Variants in PCDHGA3 observed in about 807,000 individuals in gnomAD.
The protein encoded by PCDHGA3 is protocadherin gamma-A3.
In PCDHGA3, 40 loss-of-function variants were observed where a neutral mutation model predicts 58.5. The ratio of observed to expected loss-of-function variants is 0.68; its 90% confidence interval spans 0.53 to 0.89. PCDHGA3 has a LOEUF of 0.89. Among genes scored for constraint, PCDHGA3 ranks in the 40% least tolerant of loss-of-function variants. The pLI is 0.00. For missense variants in PCDHGA3, 1,223 were observed against 1,195.9 expected (o/e 1.02, Z -0.33); for synonymous variants, 530 against 525.7 (o/e 1.01, Z -0.11).
chr5:141,412,396 A>G (rs2095553141), intron 1 of PCDHGA3: 1 of 152,216 alleles, frequency 6.6e-6, no homozygotes, highest in Non-Finnish European at 1.5e-5. Flanking sequence ...TTTAACTTGT[A>G]TCCCTGTAAG....
intron 1 of PCDHGA3, chr5:141,478,588 T>G (rs2099465964): frequency 6.3e-7 from 1 of 1,575,000 alleles, no homozygotes; most frequent in African/African-American, 1.4e-5. Flanking sequence ...TAGTGCTTTT[T>G]TATTCCTACA....
At chr5:141,418,894 A>G (rs200182481) in intron 1 of PCDHGA3, 2 of 1,614,004 alleles carry the variant, frequency 1.2e-6, no homozygotes, top group East Asian at 4.5e-5. Context: ...ACAACAGCCC[A>G]GAAATAATCA....
Position 141,491,886 on chromosome 5 carries a change from G to A in PCDHGA3, c.2425-2921G>A. On this transcript the variant is annotated intron_variant, in intron 1 of 3. Coordinates refer to ENST00000253812, the MANE Select transcript of PCDHGA3 (RefSeq NM_018916.4). The surrounding 1 kb of genome is among the most constrained non-coding windows in gnomAD (Gnocchi z 6.9). ...CCAGAGTGGCCGATTAAGGGATGGG[G>A]CTCCGAGCACCGGGGGTGGTGGCGA... 6.9e-7 allele frequency: 1 copy of A among 1,445,558 alleles called. No individual in the cohort carries two copies. Among genetic ancestry groups the A allele is most frequent in the Non-Finnish European group, 9.1e-7 (1 of 1,093,458 alleles). 89.5% of individuals were successfully genotyped at this position (1,445,558 alleles called of 1,614,324 possible). A position where few individuals can be genotyped will look rare whatever the true frequency, so the allele number is the denominator to read the frequency against.
intron 1 of PCDHGA3, chr5:141,375,887 G>T (rs1290311886): frequency 2.5e-6 from 4 of 1,613,656 alleles, no homozygotes; most frequent in South Asian, 1.1e-5. Context: ...GGGCCAGAAC[G>T]CCTGGCTGTC....
At chr5:141,440,631 A>C (rs1036203175) in intron 1 of PCDHGA3, 2 of 152,224 alleles carry the variant, frequency 1.3e-5, no homozygotes, top group African/African-American at 4.8e-5. Flanking sequence ...ATGTTGAGAG[A>C]AATTCCTTAC....
intron 1 of PCDHGA3, among the ~76,000 whole-genome samples, chr5:141,368,405 A>T (rs1414658123): frequency 1.3e-5 from 2 of 152,154 alleles, no homozygotes; most frequent in Admixed American, 1.3e-4. Flanking sequence ...ACACACATAC[A>T]TACACACATG....
chr5:141,493,784 T>A lies in PCDHGA3; in HGVS notation c.2425-1023T>A, dbSNP rs1368708028. ...AGCCACTGGCAGTTCCGGAGCTTCC[T>A]TCTCCCTGGAGTAATCTGAGATACT... On this transcript the variant is annotated intron_variant, in intron 1 of 3. Coordinates refer to ENST00000253812, the MANE Select transcript of PCDHGA3 (RefSeq NM_018916.4). This position sits in a 1 kb window ranked among gnomAD's most constrained non-coding sequence, Gnocchi z 4.3. 1.3e-5 allele frequency among the ~76,000 whole-genome samples: 2 copies of A among 152,194 alleles called. No individual in the cohort carries two copies. Among genetic ancestry groups the A allele is most frequent in the Non-Finnish European group, 2.9e-5 (2 of 68,032 alleles).
intron 1 of PCDHGA3, among the ~76,000 whole-genome samples, chr5:141,406,686 T>G (rs918855962): frequency 1.3e-5 from 2 of 152,244 alleles, no homozygotes; most frequent in African/African-American, 4.8e-5. Flanking sequence ...TAGGACATTC[T>G]TCTTTTCTAT....
At chr5:141,403,891 A>T (rs779525294) in intron 1 of PCDHGA3, 17 of 1,613,752 alleles carry the variant, frequency 1.1e-5, no homozygotes, top group Admixed American at 1.0e-4. Flanking sequence ...AAGAATGTTC[A>T]TTTTATGAAA....
intron 1 of PCDHGA3, chr5:141,393,113 G>C: frequency 6.2e-7 from 1 of 1,613,500 alleles, no homozygotes. Flanking sequence ...CTCAGAGCCC[G>C]CGGTGTCTGA....
intron 1 of PCDHGA3, chr5:141,383,078 C>G (rs749152940): frequency 2.5e-6 from 4 of 1,613,840 alleles, no homozygotes; most frequent in South Asian, 2.2e-5. Flanking sequence ...CGGGAGCTGG[C>G]GGAGCGCGGA....
At chr5:141,374,731 T>G in intron 1 of PCDHGA3, 1 of 1,610,684 alleles carries the variant, frequency 6.2e-7, no homozygotes, top group Non-Finnish European at 8.5e-7. Flanking sequence ...CTGCCATGGA[T>G]GGCGGCGACC....
At chr5:141,404,371 C>T in intron 1 of PCDHGA3, 2 of 1,613,892 alleles carry the variant, frequency 1.2e-6, no homozygotes, top group Non-Finnish European at 1.7e-6. Flanking sequence ...CCATCTTCTC[C>T]GTGATTGCCT....
intron 1 of PCDHGA3, chr5:141,351,722 C>G (rs777803553): frequency 6.2e-7 from 1 of 1,613,810 alleles, no homozygotes; most frequent in East Asian, 2.2e-5. Flanking sequence ...CTACTCTATT[C>G]TGGCCAGTGA....
chr5:141,406,183 C>T (rs1048428263), intron 1 of PCDHGA3, among the ~76,000 whole-genome samples: 5 of 151,756 alleles, frequency 3.3e-5, no homozygotes, highest in Admixed American at 6.6e-5. Flanking sequence ...TGCAATCCTC[C>T]CACCTCAGCC....
Position 141,375,902 on chromosome 5 carries a change from C to A in PCDHGA3, c.2424+29445C>A. The stretch of plus-strand genomic sequence containing the variant: ...GGGCCAGAACGCCTGGCTGTCCTAC[C>A]GCCTGCTCAAGGCCAGCGAGCCAGG... On this transcript the variant is annotated intron_variant, in intron 1 of 3. Coordinates refer to ENST00000253812, the MANE Select transcript of PCDHGA3 (RefSeq NM_018916.4). 5 of 1,613,784 alleles carry A rather than the reference C, an allele frequency of 3.1e-6. No individual in the cohort carries two copies. The Admixed American group carries it at 5.0e-5, about 16-fold the overall frequency.
chr5:141,361,388 A>T, intron 1 of PCDHGA3: 1 of 1,614,000 alleles, frequency 6.2e-7, no homozygotes, highest in Non-Finnish European at 8.5e-7. Flanking sequence ...ATCCCAGAAT[A>T]CAATCTCACC....
At chr5:141,365,720 A>G (rs758782408) in intron 1 of PCDHGA3, 17 of 1,613,732 alleles carry the variant, frequency 1.1e-5, no homozygotes, top group Non-Finnish European at 1.2e-5. Flanking sequence ...TGTCACAGAA[A>G]ACAATCCCAG....
intron 1 of PCDHGA3, chr5:141,352,201 G>A (rs1758945831): frequency 1.2e-6 from 2 of 1,613,806 alleles, no homozygotes; most frequent in African/African-American, 1.3e-5. Flanking sequence ...ATGGAGGACA[G>A]CCGCCACTCT....
Sources: allele counts gnomAD v4.1 joint callset (sites outside exome capture counted in the v4.1 genomes callset), GRCh38; gene constraint gnomAD v4.1.1; non-coding constraint Gnocchi (gnomAD v3.1); transcripts MANE v1.5; gene names NCBI Gene and HGNC (gene_info 2026-07-23, HGNC 2026-07-21).